Variants in ABCC8 observed in about 807,000 individuals in gnomAD.
ABCC8 encodes ATP binding cassette subfamily C member 8, also known as ATP-binding cassette sub-family C member 8.
In ABCC8, 137 loss-of-function variants were observed where a neutral mutation model predicts 188.0. The observed-to-expected ratio is 0.73, with a 90% confidence interval of 0.63 to 0.84. The LOEUF (loss-of-function observed/expected upper bound fraction) is 0.84. Ranked by LOEUF, ABCC8 falls within the 40% of genes least tolerant of loss-of-function variation. The probability of loss-of-function intolerance (pLI) is 0.00; values close to 1 mark genes in which losing one functional copy is unlikely to be tolerated. For missense variants in ABCC8, 1,750 were observed against 2,072.7 expected (o/e 0.84, Z 3.02); for synonymous variants, 797 against 846.5 (o/e 0.94, Z 1.01).
chr11:17,436,543 A>G (rs573762823), intron 10 of ABCC8, among the ~76,000 whole-genome samples: 46 of 152,314 alleles, frequency 3.0e-4, no homozygotes, highest in Non-Finnish European at 5.0e-4. Context: ...AATTTGATTT[A>G]GAAAAAAACA....
At chr11:17,461,390 C>G in intron 5 of ABCC8, 193 bp downstream of exon 5, 1 of 706,736 alleles carries the variant, frequency 1.4e-6, no homozygotes. Context: ...TCCAACTGTG[C>G]CTGTCCTATG....
intron 3 of ABCC8, among the ~76,000 whole-genome samples, chr11:17,468,830 A>G (rs1042148105): frequency 1.3e-5 from 2 of 152,178 alleles, no homozygotes; most frequent in Admixed American, 1.3e-4. Flanking sequence ...TGTAAGGAAC[A>G]TGGCATGGAG....
intron 34 of ABCC8, 25 bp downstream of exon 34, chr11:17,395,827 G>A (rs897607713): frequency 1.3e-6 from 2 of 1,562,286 alleles, no homozygotes; most frequent in Non-Finnish European, 1.7e-6. Context: ...GTGGGTACAC[G>A]TGGGGTGCCC....
intron 11 of ABCC8, among the ~76,000 whole-genome samples, chr11:17,431,619 G>A (rs982583391): frequency 3.9e-5 from 6 of 152,250 alleles, no homozygotes; most frequent in Non-Finnish European, 7.3e-5. Context: ...GTAGGAGCAT[G>A]CTGCTTGACC....
At chr11:17,447,780 C>T (rs1029031345) in intron 8 of ABCC8, among the ~76,000 whole-genome samples, 9 of 152,164 alleles carry the variant, frequency 5.9e-5, no homozygotes, top group African/African-American at 1.4e-4. Context: ...TTTGTACAGA[C>T]AGGGTCTCAC....
At chr11:17,396,016 T>G in intron 33 of ABCC8, 86 bp from the exon 34 acceptor site, 1 of 1,542,998 alleles carries the variant, frequency 6.5e-7, no homozygotes, top group Non-Finnish European at 8.7e-7. Context: ...TGTGTGCAGG[T>G]GTGGGAGGTC....
intron 27 of ABCC8, among the ~76,000 whole-genome samples, chr11:17,405,089 G>A (rs1004288919): frequency 4.6e-5 from 7 of 152,166 alleles, no homozygotes; most frequent in African/African-American, 7.2e-5. Context: ...TTATAGGCAC[G>A]TATCTCATCT....
intron 6 of ABCC8, among the ~76,000 whole-genome samples, chr11:17,460,225 G>A (rs775502562): frequency 1.1e-4 from 16 of 152,230 alleles, no homozygotes; most frequent in Non-Finnish European, 2.1e-4. Context: ...TGCAGTTTTC[G>A]GACTGACCTA....
At chr11:17,460,916 C>G in intron 5 of ABCC8, 1 of 718,842 alleles carries the variant, frequency 1.4e-6, no homozygotes, top group Non-Finnish European at 2.2e-6. Context: ...CAAGGTCACA[C>G]AGCTGGTCAG....
chr11:17,448,505 C>G lies in ABCC8; in HGVS notation c.1332+11G>C. On this transcript the variant is annotated intron_variant, in intron 8 of 38. Coordinates refer to ENST00000389817, the MANE Select transcript of ABCC8 (RefSeq NM_000352.6). ...GCTGCCCCCCTCCCTTCCCCTCAGC[C>G]CATCTAGTACCTGTACTGGCATAGC... 1 of 1,613,310 alleles carries G rather than the reference C, an allele frequency of 6.2e-7. No individual in the cohort carries two copies. The highest frequency in any genetic ancestry group is 1.1e-5 in the South Asian group (1 of 91,052).
At chr11:17,402,937 A>G (rs1591731901) in intron 28 of ABCC8, 184 bp from the exon 29 acceptor site, 1 of 201,514 alleles carries the variant, frequency 5.0e-6, no homozygotes, top group South Asian at 1.7e-4. Flanking sequence ...TGAGCACTGA[A>G]TGAGATCGTT....
chr11:17,423,645 C>A (rs971535689), intron 16 of ABCC8, among the ~76,000 whole-genome samples: 1 of 152,240 alleles, frequency 6.6e-6, no homozygotes, highest in Middle Eastern at 3.4e-3. Flanking sequence ...CGCCCCTCTG[C>A]GAGCCTCGAA....
chr11:17,445,437 C>G (rs1956485906), intron 8 of ABCC8, among the ~76,000 whole-genome samples: 1 of 152,204 alleles, frequency 6.6e-6, no homozygotes, highest in African/African-American at 2.4e-5. Context: ...CTAAAACCCA[C>G]TGATTTGTAT....
At chr11:17,448,227 G>A in intron 8 of ABCC8, 1 of 415,822 alleles carries the variant, frequency 2.4e-6, no homozygotes, top group Non-Finnish European at 4.5e-6. Flanking sequence ...TGGGATTACA[G>A]GTGTGAGCCC....
intron 1 of ABCC8, among the ~76,000 whole-genome samples, 156 bp downstream of exon 1, chr11:17,476,473 G>A (rs1406343915): frequency 6.6e-6 from 1 of 152,214 alleles, no homozygotes; most frequent in Non-Finnish European, 1.5e-5. Context: ...TGCGAGTGCG[G>A]GGACCGGCGG....
At chr11:17,460,739 C>G in intron 5 of ABCC8, 63 bp from the exon 6 acceptor site, 1 of 1,595,234 alleles carries the variant, frequency 6.3e-7, no homozygotes, top group South Asian at 1.1e-5. Flanking sequence ...TGGGCCTAGC[C>G]TCCCAGGATG....
At chr11:17,395,977 G>T in intron 33 of ABCC8, 47 bp from the exon 34 acceptor site, 1 of 1,552,700 alleles carries the variant, frequency 6.4e-7, no homozygotes. Flanking sequence ...TGGGGCTGCT[G>T]GGAATAGCCT....
At chr11:17,429,179 T>C (rs548041020) in intron 12 of ABCC8, 1 of 161,276 alleles carries the variant, frequency 6.2e-6, no homozygotes, top group Admixed American at 6.0e-5. Context: ...CAGATTTCCC[T>C]GTGGACCTGA....
chr11:17,448,564 G>T lies in ABCC8; in HGVS notation c.1284C>A (p.Leu428=). 2 of 1,614,126 alleles carry T rather than the reference G, an allele frequency of 1.2e-6. No individual in the cohort carries two copies. Among genetic ancestry groups the T allele is most frequent in the Non-Finnish European group, 1.7e-6 (2 of 1,180,024 alleles). Residue 428 remains leucine (L), a synonymous_variant, in exon 8 of 39, where the codon CTC becomes CTA. Coordinates refer to ENST00000389817, the MANE Select transcript of ABCC8 (RefSeq NM_000352.6). ...TTGGGCACAAGAAGAAAAACCACATGAGCTGATTGGTGTCGATGGCAACCA... is the reference window on the plus strand; with the variant it reads ...TTGGGCACAAGAAGAAAAACCACATTAGCTGATTGGTGTCGATGGCAACCA... ...CNLVAIDTNQ[L]MWFFFLCPNL...
Sources: allele counts gnomAD v4.1 joint callset (sites outside exome capture counted in the v4.1 genomes callset), GRCh38; gene constraint gnomAD v4.1.1; transcripts MANE v1.5; gene names NCBI Gene and HGNC (gene_info 2026-07-23, HGNC 2026-07-21).